Variants in SLC37A3 observed in about 807,000 individuals in gnomAD.
The protein encoded by SLC37A3 is solute carrier family 37 member 3.
In SLC37A3, 51 loss-of-function variants were observed where a neutral mutation model predicts 67.1. That is an observed-to-expected ratio of 0.76 (90% CI 0.61 to 0.96). The LOEUF (loss-of-function observed/expected upper bound fraction) is 0.96. SLC37A3 is among the 40% of genes least tolerant of loss of function. The pLI is 0.00. For missense variants in SLC37A3, 508 were observed against 603.0 expected (o/e 0.84, Z 1.65); for synonymous variants, 214 against 231.4 (o/e 0.92, Z 0.68).
At chr7:140,386,543 G>A (rs1160833652) in intron 1 of SLC37A3, among the ~76,000 whole-genome samples, 14 of 151,726 alleles carry the variant, frequency 9.2e-5, no homozygotes, top group Admixed American at 9.2e-4. Flanking sequence ...AGGGACCCTG[G>A]GGTGTACAGG....
At chr7:140,359,145 C>A (rs1797159091) in intron 5 of SLC37A3, among the ~76,000 whole-genome samples, 1 of 151,824 alleles carries the variant, frequency 6.6e-6, no homozygotes, top group Non-Finnish European at 1.5e-5. Flanking sequence ...AAATCGAGAC[C>A]ATCCTGGCTA....
intron 3 of SLC37A3, among the ~76,000 whole-genome samples, chr7:140,374,836 C>G (rs2129711480): frequency 6.6e-6 from 1 of 152,044 alleles, no homozygotes; most frequent in South Asian, 2.1e-4. Flanking sequence ...CCAGCCTGAG[C>G]AACAGAGCAA....
intron 5 of SLC37A3, among the ~76,000 whole-genome samples, chr7:140,363,200 C>T (rs201943814): frequency 0.017 from 1,095 of 63,424 alleles, 1 homozygote; most frequent in East Asian, 0.027. Context: ...GTGTGCCCAG[C>T]GGCTCATTGG....
At chr7:140,353,464 G>A (rs1796895460) in intron 7 of SLC37A3, among the ~76,000 whole-genome samples, 1 of 151,366 alleles carries the variant, frequency 6.6e-6, no homozygotes, top group Admixed American at 6.6e-5. Flanking sequence ...GTGACAGAGT[G>A]AGACTCTGTC....
chr7:140,393,478 C>G (rs1485876568), intron 1 of SLC37A3, among the ~76,000 whole-genome samples: 1 of 152,184 alleles, frequency 6.6e-6, no homozygotes, highest in Non-Finnish European at 1.5e-5. Context: ...TACCTCCCAC[C>G]CTCACCAACA....
At chr7:140,353,568 C>A (rs1189416712) in intron 7 of SLC37A3, among the ~76,000 whole-genome samples, 2 of 152,014 alleles carry the variant, frequency 1.3e-5, no homozygotes, top group Non-Finnish European at 2.9e-5. Context: ...AACATATAAC[C>A]ATTGTTGTTC....
rs573227005 is a variant in SLC37A3, at chr7:140,343,515, G to A, written c.1223C>T (p.Ala408Val). The A allele has an allele frequency of 1.6e-5, 26 of 1,613,888 alleles. No homozygotes were observed. Among genetic ancestry groups the A allele is most frequent in the Middle Eastern group, 1.6e-4 (1 of 6,082 alleles). ...PSNMISSAIS[A>V]DLGRQELIQR... ...GATGAGCTCCTGGCGACCCAAGTCC[G>A]CAGAAATAGCAGAACTAATCATATT... Residue 408 changes from alanine to valine, a missense_variant, in exon 13 of 15, where the codon GCG becomes GTG. Coordinates refer to ENST00000326232, the MANE Select transcript of SLC37A3 (RefSeq NM_207113.3).
At chr7:140,379,429 C>G (rs954520769) in intron 3 of SLC37A3, 9 of 149,450 alleles carry the variant, frequency 6.0e-5, no homozygotes, top group African/African-American at 2.0e-4. Flanking sequence ...GAGCTGAGAT[C>G]GCACCACTGC....
chr7:140,335,869 T>A (rs7784193), intron 14 of SLC37A3, among the ~76,000 whole-genome samples: 4 of 152,054 alleles, frequency 2.6e-5, no homozygotes, highest in South Asian at 2.1e-4. Context: ...GATACTTCCC[T>A]CTACTTAGCA....
chr7:140,390,719 C>A (rs904283153), intron 1 of SLC37A3, among the ~76,000 whole-genome samples: 1 of 152,114 alleles, frequency 6.6e-6, no homozygotes, highest in Non-Finnish European at 1.5e-5. Flanking sequence ...CTCCTCCATC[C>A]CCCAATAAAA....
At chr7:140,361,554 C>CCT (rs1363333663) in intron 5 of SLC37A3, among the ~76,000 whole-genome samples, 2 of 128,986 alleles carry the variant, frequency 1.6e-5, no homozygotes, top group African/African-American at 5.9e-5. Flanking sequence ...TCTCCGTCTC[C>CCT]CTCTCTCTCC....
chr7:140,358,929 C>T (rs1797149324), intron 5 of SLC37A3, 144 bp from the exon 6 acceptor site: 13 of 1,012,458 alleles, frequency 1.3e-5, no homozygotes, highest in Non-Finnish European at 1.9e-5. Flanking sequence ...TGGCCAGCAT[C>T]ACAAAGGTCC....
Position 140,345,228 on chromosome 7 carries a change from TC to T in SLC37A3, c.1161del (p.Met388Ter). ...SPNDKSINAL[L>X]MTVTGFFIGG... ...CCATGTGCCGTACCTGTAACAGTCA[TC>T]AGAAGGGCATTGATGGACTTATCAT... On this transcript the variant is annotated frameshift_variant, in exon 12 of 15. Transcript: ENST00000326232. LOFTEE classifies it high-confidence loss of function. The T allele has an allele frequency of 6.2e-7, 1 of 1,613,940 alleles. No individual in the cohort carries two copies. The highest frequency in any genetic ancestry group is 8.5e-7 in the Non-Finnish European group (1 of 1,179,872).
chr7:140,358,851 T>C, intron 5 of SLC37A3, 66 bp from the exon 6 acceptor site: 1 of 1,590,236 alleles, frequency 6.3e-7, no homozygotes, highest in Non-Finnish European at 8.6e-7. Flanking sequence ...GACGCCACTC[T>C]ACCCACTTGC....
At position 140,335,445 on chromosome 7, in the gene SLC37A3, C is replaced by T. The variant is rs1263631239; in HGVS notation, c.1452G>A (p.Val484=). 1 of 1,614,152 alleles carries T rather than the reference C, an allele frequency of 6.2e-7. No homozygotes were observed. The highest frequency in any genetic ancestry group is 2.2e-5 in the East Asian group (1 of 44,880). Residue 484 remains valine, a synonymous_variant, in exon 15 of 15, where the codon GTG becomes GTA. Transcript: ENST00000326232. ...PLIVREIFSL[V]LRRQAHILRE is the part of the protein sequence containing the mutation. ...TCAATATGTGAGCCTGTCTCCTTAGCACGAGAGAGAATATTTCCCTCACTA... is the reference window on the plus strand; with the variant it reads ...TCAATATGTGAGCCTGTCTCCTTAGTACGAGAGAGAATATTTCCCTCACTA...
intron 11 of SLC37A3, 91 bp from the exon 12 acceptor site, chr7:140,345,354 G>T: frequency 1.1e-6 from 1 of 941,598 alleles, no homozygotes; most frequent in Non-Finnish European, 1.7e-6. Context: ...GAATCTCCGT[G>T]ACCTCACAAA....
rs1188486453 is a variant in SLC37A3 at position 140,364,478 on chromosome 7, C to A, written c.305G>T (p.Ser102Ile). The change falls in exon 5 of 15, where the codon AGT becomes ATT. Residue 102 changes from serine (S) to isoleucine (I), a missense_variant. By Grantham distance (142) the Ser-to-Ile change is moderately radical. Transcript: ENST00000326232. ...ATTCAACCGATCCCCAACGATGCCA[C>A]TGATGAATAGGCCCTAAAAATAAAG... ...LFSYAVGLFI[S>I]GIVGDRLNLR... The A allele has an allele frequency of 1.2e-6, 2 of 1,613,918 alleles. No homozygotes were observed. Among genetic ancestry groups the A allele is most frequent in the African/African-American group, 2.7e-5 (2 of 74,910 alleles).
chr7:140,360,462 G>A (rs545855377), intron 5 of SLC37A3, among the ~76,000 whole-genome samples: 29 of 152,196 alleles, frequency 1.9e-4, no homozygotes, highest in Non-Finnish European at 3.5e-4. Context: ...GGCTGGGCAC[G>A]GTGGCTCACC....
chr7:140,374,843 G>T (rs1233486800), intron 3 of SLC37A3, among the ~76,000 whole-genome samples: 1 of 152,042 alleles, frequency 6.6e-6, no homozygotes, highest in African/African-American at 2.4e-5. Context: ...GAGCAACAGA[G>T]CAAGACCCTG....
Sources: gnomAD v4.1 joint callset for allele counts (sites outside exome capture counted in the v4.1 genomes callset) on GRCh38, gnomAD v4.1.1 for gene constraint, MANE v1.5 for transcripts, NCBI Gene and HGNC (gene_info 2026-07-23, HGNC 2026-07-21) for gene names.